The following SAXO1 variants were observed in gnomAD, a reference collection of about 807,000 sequenced individuals.
SAXO1 encodes the protein 4930500O09Rik.
A neutral mutation model predicts 17.5 loss-of-function variants in SAXO1; 21 were observed. The observed-to-expected ratio is 1.20, with a 90% CI of 0.85 to 1.72. The LOEUF is 1.72. Ranked by LOEUF, SAXO1 falls within the 40% of genes most tolerant of loss-of-function variation. The pLI, the probability that SAXO1 is intolerant of heterozygous loss-of-function variation, is 0.00. For synonymous variants in SAXO1, 274 were observed against 216.5 expected (o/e 1.27, Z -2.33); for missense variants, 843 against 596.0 (o/e 1.41, Z -4.32).
At chr9:18,934,673 C>T (rs995591110) in intron 3 of SAXO1, among the ~76,000 whole-genome samples, 1 of 152,210 alleles carries the variant, frequency 6.6e-6, no homozygotes, top group African/African-American at 2.4e-5. Flanking sequence ...TGCAGAGATA[C>T]TTTCTGTTGA....
chr9:19,037,259 G>A (rs534420272), upstream of SAXO1, among the ~76,000 whole-genome samples: 55 of 152,268 alleles, frequency 3.6e-4, no homozygotes, highest in African/African-American at 1.3e-3. Flanking sequence ...GGACTTTCGG[G>A]TTAATGCCGA....
intron 1 of SAXO1, among the ~76,000 whole-genome samples, chr9:18,980,103 G>C (rs1294743257): frequency 3.9e-5 from 6 of 152,282 alleles, no homozygotes; most frequent in African/African-American, 9.6e-5. Flanking sequence ...TGCTGGACTT[G>C]CTCAAGTGTT....
Position 18,928,619 on chromosome 9 carries a change from C to T in SAXO1, c.858G>A (p.Met286Ile). Reference protein sequence around the residue: ...DKYQAWPMPRMFSKAPITYVP... With the variant: ...DKYQAWPMPRIFSKAPITYVP... ...CGTAGGTGATGGGAGCTTTGGAGAA[C>T]ATCCGGGGCATTGGCCAAGCTTGGT... Residue 286 changes from methionine (M) to isoleucine (I), a missense_variant, in exon 4 of 4, where the codon ATG becomes ATA. Met to Ile is a conservative substitution (Grantham distance 10). Transcript: ENST00000380534. 6 of 1,614,148 alleles carry T rather than the reference C, an allele frequency of 3.7e-6. No homozygotes were observed. The highest frequency in any genetic ancestry group is 4.2e-6 in the Non-Finnish European group (5 of 1,180,032).
chr9:18,961,829 G>A (rs1231062354), intron 1 of SAXO1, among the ~76,000 whole-genome samples: 1 of 152,118 alleles, frequency 6.6e-6, no homozygotes, highest in African/African-American at 2.4e-5. Context: ...GTAGAATGAT[G>A]TACCTATCCT....
chr9:18,929,629 C>T (rs941114335), intron 3 of SAXO1, among the ~76,000 whole-genome samples: 1 of 152,214 alleles, frequency 6.6e-6, no homozygotes, highest in Admixed American at 6.5e-5. Context: ...GGTGAGAGAA[C>T]AGTGGCTGCC....
chr9:19,019,778 TCTAA>T (rs1490420885), intron 1 of SAXO1, among the ~76,000 whole-genome samples: 11 of 152,082 alleles, frequency 7.2e-5, no homozygotes, highest in East Asian at 5.8e-4. Flanking sequence ...TTCTTATGGT[TCTAA>T]CTGTTGCAAA....
intron 1 of SAXO1, among the ~76,000 whole-genome samples, chr9:18,986,619 A>G (rs1022418435): frequency 3.9e-5 from 6 of 152,132 alleles, no homozygotes; most frequent in African/African-American, 1.4e-4. Flanking sequence ...AGAAAAAAAA[A>G]AGGGGGGGCG....
At chr9:19,030,444 C>T (rs1236414800) in intron 1 of SAXO1, among the ~76,000 whole-genome samples, 6 of 152,248 alleles carry the variant, frequency 3.9e-5, no homozygotes, top group Non-Finnish European at 7.4e-5. Flanking sequence ...CGGTGGCTCA[C>T]GCCTGTAATC....
intron 1 of SAXO1, among the ~76,000 whole-genome samples, chr9:18,983,294 C>T (rs749813554): frequency 7.2e-5 from 11 of 151,966 alleles, no homozygotes; most frequent in African/African-American, 1.2e-4. Flanking sequence ...GGAGACAGAG[C>T]GAGGGGGTAA....
At chr9:18,998,984 C>T (rs995962564) in intron 1 of SAXO1, among the ~76,000 whole-genome samples, 4 of 152,214 alleles carry the variant, frequency 2.6e-5, no homozygotes, top group African/African-American at 9.7e-5. Context: ...ACAACCAGTA[C>T]CAGCCACTGC....
intron 1 of SAXO1, among the ~76,000 whole-genome samples, chr9:18,996,065 G>A (rs1406987211): frequency 3.0e-5 from 4 of 134,370 alleles, no homozygotes; most frequent in African/African-American, 1.2e-4. Flanking sequence ...AGCAACAAGA[G>A]TGAAACTACA....
At chr9:18,954,118 AGAG>A (rs1158326314) in intron 1 of SAXO1, among the ~76,000 whole-genome samples, 1 of 152,112 alleles carries the variant, frequency 6.6e-6, no homozygotes, top group African/African-American at 2.4e-5. Context: ...GAAAAGGGAG[AGAG>A]GAGGTTTCTT....
rs369929762 is a variant in SAXO1 at position 19,040,070 on chromosome 9, T to A, written c.-158+9139A>T. Among the ~76,000 whole-genome samples the A allele has an allele frequency of 2.4e-4, 36 of 152,258 alleles. 3 individuals are homozygous for A. In the East Asian group the frequency reaches 6.0e-3, roughly 25 times the overall value. On this transcript the variant is annotated intron_variant, in intron 1 of 3. Transcript: ENST00000542071. ...AATGTTATGTTCCAACCTTATATGT[T>A]CCAAGGCACGGTGCACTGTGAATCT...
intron 2 of SAXO1, among the ~76,000 whole-genome samples, chr9:18,944,551 T>A (rs893136322): frequency 6.6e-6 from 1 of 152,212 alleles, no homozygotes; most frequent in Non-Finnish European, 1.5e-5. Context: ...TGTGCACATG[T>A]GACATGAACC....
chr9:19,030,230 A>G (rs1341362180), intron 1 of SAXO1, among the ~76,000 whole-genome samples: 1 of 152,134 alleles, frequency 6.6e-6, no homozygotes, highest in African/African-American at 2.4e-5. Flanking sequence ...ATGCCAAGAA[A>G]CCTGATCCAA....
chr9:19,002,915 A>G (rs1834335058), intron 1 of SAXO1, among the ~76,000 whole-genome samples: 1 of 152,248 alleles, frequency 6.6e-6, no homozygotes, highest in African/African-American at 2.4e-5. Context: ...AGAGAAAGAA[A>G]TAAAAGGTAT....
chr9:19,045,251 A>C (rs1036356529), intron 1 of SAXO1, among the ~76,000 whole-genome samples: 2 of 139,486 alleles, frequency 1.4e-5, no homozygotes, highest in Admixed American at 8.1e-5. Context: ...CGGAGCTTGC[A>C]GTGAGCCGAG....
intron 1 of SAXO1, among the ~76,000 whole-genome samples, chr9:19,044,837 CG>C (rs1836169578): frequency 6.6e-6 from 1 of 150,854 alleles, no homozygotes; most frequent in African/African-American, 2.4e-5. Flanking sequence ...CACTCCAGCC[CG>C]GGTGAGAGTG....
intron 1 of SAXO1, among the ~76,000 whole-genome samples, chr9:18,963,968 C>A (rs1371121532): frequency 1.3e-5 from 2 of 152,052 alleles, no homozygotes; most frequent in South Asian, 2.1e-4. Flanking sequence ...TCCATCAATA[C>A]CTACTTTACT....
Sources: allele counts gnomAD v4.1 joint callset (sites outside exome capture counted in the v4.1 genomes callset), GRCh38; gene constraint gnomAD v4.1.1; transcripts MANE v1.5; gene names NCBI Gene and HGNC (gene_info 2026-07-23, HGNC 2026-07-21).